The following DAB1 variants were observed in gnomAD, a reference collection of about 807,000 sequenced individuals.
The protein encoded by DAB1 is disabled homolog 1.
Under a neutral mutation model 64.6 loss-of-function variants are expected in DAB1, and 15 were observed. The ratio of observed to expected loss-of-function variants is 0.23; its 90% CI spans 0.16 to 0.36. DAB1 has a LOEUF of 0.36. Ranked by LOEUF, DAB1 falls within the 10% of genes least tolerant of loss-of-function variation. The pLI is 1.00. For missense variants in DAB1, 596 were observed against 706.7 expected (o/e 0.84, Z 1.78); for synonymous variants, 235 against 251.9 (o/e 0.93, Z 0.64).
chr1:57,471,580 T>A (rs964927802), intron 7 of DAB1, among the ~76,000 whole-genome samples: 1 of 152,170 alleles, frequency 6.6e-6, no homozygotes, highest in Admixed American at 6.5e-5. Flanking sequence ...GCTGTTCTCA[T>A]GATAGTGAAT....
chr1:58,119,067 G>A (rs1652571291), intron 5 of DAB1, among the ~76,000 whole-genome samples: 1 of 152,078 alleles, frequency 6.6e-6, no homozygotes, highest in Non-Finnish European at 1.5e-5. Flanking sequence ...GTAGATGTTT[G>A]CAAACTGCTC....
chr1:57,896,404 A>G (rs1644392636), intron 5 of DAB1, among the ~76,000 whole-genome samples: 1 of 151,938 alleles, frequency 6.6e-6, no homozygotes, highest in South Asian at 2.1e-4. Flanking sequence ...GAGGCCAAAC[A>G]ATTAGAAAAA....
At chr1:57,301,499 G>A (rs1468975405) in intron 1 of DAB1, among the ~76,000 whole-genome samples, 1 of 152,128 alleles carries the variant, frequency 6.6e-6, no homozygotes, top group Non-Finnish European at 1.5e-5. Context: ...GAGTGTTTGA[G>A]TAACACGAAC....
At chr1:58,478,889 C>T (rs1557433239) in intron 3 of DAB1, among the ~76,000 whole-genome samples, 1 of 152,124 alleles carries the variant, frequency 6.6e-6, no homozygotes, top group Non-Finnish European at 1.5e-5. Context: ...AGTTCTGCAA[C>T]TAAGTGTAGA....
chr1:57,137,473 A>C lies in DAB1; in HGVS notation c.208-832T>G, dbSNP rs373182376. Among the ~76,000 whole-genome samples the C allele has an allele frequency of 2.6e-4, 39 of 152,310 alleles. No homozygotes were observed. In the East Asian group the frequency reaches 3.9e-3, roughly 15 times the overall value. ...AGTTGATATGATTCAAGTTAAGAGT[A>C]AAGACACTTGCTTTCGAAATTAGAT... On this transcript the variant is annotated intron_variant, in intron 3 of 14. Transcript: ENST00000371236.
chr1:58,385,892 C>T (rs560693244), intron 3 of DAB1, among the ~76,000 whole-genome samples: 19 of 152,282 alleles, frequency 1.2e-4, no homozygotes, highest in Non-Finnish European at 2.4e-4. Context: ...GAGGATTCCT[C>T]GTATGCCACC....
intron 5 of DAB1, chr1:58,150,493 T>C (rs1216198610): frequency 2.0e-5 from 3 of 151,562 alleles, no homozygotes; most frequent in Admixed American, 2.0e-4. Context: ...GGAGCATAGA[T>C]AAAATGTGGC....
At chr1:57,827,364 A>G (rs1226232694) in intron 1 of DAB1, among the ~76,000 whole-genome samples, 1 of 152,230 alleles carries the variant, frequency 6.6e-6, no homozygotes, top group Non-Finnish European at 1.5e-5. Flanking sequence ...AGGATAACTC[A>G]AAATGTGGCT....
intron 3 of DAB1, among the ~76,000 whole-genome samples, chr1:58,380,800 G>C (rs58719253): frequency 0.093 from 14,183 of 152,268 alleles, 670 homozygotes; most frequent in Middle Eastern, 0.13. Flanking sequence ...TGGGCATGGA[G>C]TAAATTAAAG....
intron 7 of DAB1, among the ~76,000 whole-genome samples, chr1:57,452,912 A>T (rs1395788043): frequency 6.6e-6 from 1 of 151,914 alleles, no homozygotes; most frequent in Non-Finnish European, 1.5e-5. Context: ...GAAGGGAAAA[A>T]TAAAGAAAGG....
intron 7 of DAB1, among the ~76,000 whole-genome samples, chr1:57,617,269 A>G (rs1158484226): frequency 5.3e-5 from 8 of 152,094 alleles, no homozygotes; most frequent in Non-Finnish European, 1.2e-4. Flanking sequence ...TCCATAGCCA[A>G]TGACCAACCG....
intron 7 of DAB1, among the ~76,000 whole-genome samples, chr1:57,533,194 G>A (rs999254151): frequency 2.0e-5 from 3 of 151,582 alleles, no homozygotes; most frequent in Non-Finnish European, 4.4e-5. Context: ...TTGTCAATGT[G>A]AAACTGCCAT....
At chr1:57,736,986 G>C (rs573919692) in intron 6 of DAB1, among the ~76,000 whole-genome samples, 3 of 152,172 alleles carry the variant, frequency 2.0e-5, no homozygotes, top group African/African-American at 4.8e-5. Context: ...AATAACAAGA[G>C]CTGGGAGCCC....
intron 5 of DAB1, among the ~76,000 whole-genome samples, chr1:57,984,025 A>G (rs568192115): frequency 7.6e-4 from 115 of 152,118 alleles, no homozygotes; most frequent in Middle Eastern, 3.4e-3. Context: ...TGGATGCAAC[A>G]TCTCAAGAGT....
At chr1:57,798,778 G>A (rs950481231) in intron 6 of DAB1, among the ~76,000 whole-genome samples, 2 of 152,136 alleles carry the variant, frequency 1.3e-5, no homozygotes, top group Admixed American at 1.3e-4. Context: ...CACTTTCAAG[G>A]CTGTCTGTGT....
intron 7 of DAB1, among the ~76,000 whole-genome samples, chr1:57,576,996 A>G (rs930443867): frequency 5.9e-5 from 9 of 152,188 alleles, no homozygotes; most frequent in Non-Finnish European, 1.5e-5. Flanking sequence ...AAGCAAATTA[A>G]TAATGTAAAC....
intron 6 of DAB1, among the ~76,000 whole-genome samples, chr1:57,817,425 T>A (rs1196462648): frequency 6.6e-6 from 1 of 152,166 alleles, no homozygotes; most frequent in African/African-American, 2.4e-5. Context: ...CCATGAAGGG[T>A]CAGACATCAC....
intron 7 of DAB1, among the ~76,000 whole-genome samples, chr1:57,474,869 A>G (rs1643915015): frequency 6.6e-6 from 1 of 152,162 alleles, no homozygotes; most frequent in African/African-American, 2.4e-5. Context: ...TAAAGTAGGA[A>G]CCTGGAAATG....
At chr1:57,469,520 C>T in intron 7 of DAB1, among the ~76,000 whole-genome samples, 1 of 152,164 alleles carries the variant, frequency 6.6e-6, no homozygotes, top group East Asian at 1.9e-4. Context: ...ACCAACAGCC[C>T]CAGGTCCACT....
Sources: gnomAD v4.1 joint callset for allele counts (sites outside exome capture counted in the v4.1 genomes callset) on GRCh38, gnomAD v4.1.1 for gene constraint, MANE v1.5 for transcripts, NCBI Gene and HGNC (gene_info 2026-07-23, HGNC 2026-07-21) for gene names.